Variants in CAMKMT observed in about 807,000 individuals in gnomAD.
CAMKMT encodes calmodulin-lysine N-methyltransferase.
In CAMKMT, 53 loss-of-function variants were observed where a neutral mutation model predicts 48.0. The ratio of observed to expected loss-of-function variants is 1.10; its 90% CI spans 0.89 to 1.39. The LOEUF (loss-of-function observed/expected upper bound fraction) is 1.39. Ranked by LOEUF, CAMKMT falls within the 40% of genes most tolerant of loss-of-function variation. CAMKMT has a pLI of 0.00. For synonymous variants in CAMKMT, 165 were observed against 152.3 expected, an observed-to-expected ratio of 1.08 and a Z score of -0.61; for missense variants, 428 against 402.7, an observed-to-expected ratio of 1.06 and a Z score of -0.54.
chr2:44,407,764 A>G (rs868142240), intron 3 of CAMKMT, among the ~76,000 whole-genome samples: 53 of 152,170 alleles, frequency 3.5e-4, no homozygotes, highest in African/African-American at 1.3e-3. Flanking sequence ...TTAAGATAAA[A>G]TAATGATAGG....
intron 7 of CAMKMT, among the ~76,000 whole-genome samples, chr2:44,730,238 A>G (rs1195017234): frequency 2.0e-5 from 3 of 152,094 alleles, no homozygotes; most frequent in African/African-American, 4.8e-5. Context: ...TTTGTCTGAT[A>G]TGTCCTCTTG....
intron 1 of CAMKMT, among the ~76,000 whole-genome samples, chr2:44,366,754 C>T (rs1678635776): frequency 7.0e-6 from 1 of 143,882 alleles, no homozygotes; most frequent in South Asian, 2.2e-4. Context: ...CAAAGTCTCA[C>T]TCCATCATCC....
At chr2:44,477,552 T>C (rs1232657764) in intron 3 of CAMKMT, among the ~76,000 whole-genome samples, 1 of 152,208 alleles carries the variant, frequency 6.6e-6, no homozygotes, top group Non-Finnish European at 1.5e-5. Context: ...GAAAAAATTA[T>C]AAATCTCAAA....
chr2:44,760,559 G>C (rs899711395), intron 9 of CAMKMT, among the ~76,000 whole-genome samples: 3 of 150,122 alleles, frequency 2.0e-5, no homozygotes, highest in Admixed American at 6.6e-5. Flanking sequence ...TGCAGTGAGC[G>C]GAGATTGCAC....
chr2:44,499,139 T>C (rs1669891834), intron 3 of CAMKMT, among the ~76,000 whole-genome samples: 1 of 152,208 alleles, frequency 6.6e-6, no homozygotes, highest in African/African-American at 2.4e-5. Flanking sequence ...TGTAAGAAAA[T>C]AGAATACATC....
intron 3 of CAMKMT, among the ~76,000 whole-genome samples, chr2:44,528,803 A>G (rs1284117582): frequency 6.6e-6 from 1 of 152,024 alleles, no homozygotes; most frequent in East Asian, 1.9e-4. Context: ...GTGGTATTTA[A>G]TGCATTTTTC....
chr2:44,500,687 T>G (rs1251547124), intron 3 of CAMKMT, among the ~76,000 whole-genome samples: 1 of 128,866 alleles, frequency 7.8e-6, no homozygotes, highest in Non-Finnish European at 1.5e-5. Flanking sequence ...TCTCAGATAC[T>G]TTTTTTTTTT....
intron 3 of CAMKMT, among the ~76,000 whole-genome samples, chr2:44,647,094 C>G (rs927393081): frequency 3.9e-5 from 6 of 152,186 alleles, no homozygotes; most frequent in Non-Finnish European, 5.9e-5. Context: ...GTCAGGAGAT[C>G]AAGACCATCC....
At chr2:44,572,340 C>A (rs1418781745) in intron 3 of CAMKMT, among the ~76,000 whole-genome samples, 2 of 152,118 alleles carry the variant, frequency 1.3e-5, no homozygotes, top group African/African-American at 4.8e-5. Context: ...AGCTGCCATG[C>A]CTAGGCTCTA....
At chr2:44,449,444 C>G (rs1370083369) in intron 3 of CAMKMT, among the ~76,000 whole-genome samples, 2 of 152,110 alleles carry the variant, frequency 1.3e-5, no homozygotes, top group African/African-American at 4.8e-5. Flanking sequence ...AATTTTCTTC[C>G]CAATTATCCA....
chr2:44,378,582 C>T (rs1223446609), intron 2 of CAMKMT, among the ~76,000 whole-genome samples: 7 of 152,166 alleles, frequency 4.6e-5, no homozygotes, highest in African/African-American at 1.7e-4. Context: ...CAACCTCCGC[C>T]TCCCGGGTTC....
At chr2:44,387,061 T>C (rs1680844318) in intron 2 of CAMKMT, among the ~76,000 whole-genome samples, 1 of 152,180 alleles carries the variant, frequency 6.6e-6, no homozygotes, top group South Asian at 2.1e-4. Context: ...TTAAATCTAT[T>C]GTTTCCTTGT....
At chr2:44,621,580 T>C (rs532077973) in intron 3 of CAMKMT, among the ~76,000 whole-genome samples, 1 of 152,276 alleles carries the variant, frequency 6.6e-6, no homozygotes, top group East Asian at 1.9e-4. Flanking sequence ...AAAGAAGGAA[T>C]GTGTTTAGTA....
At chr2:44,641,862 T>A (rs1572978804) in intron 3 of CAMKMT, among the ~76,000 whole-genome samples, 1 of 152,224 alleles carries the variant, frequency 6.6e-6, no homozygotes, top group Admixed American at 6.5e-5. Context: ...CCAGCTCTGA[T>A]GTATTTTTAT....
At chr2:44,546,392 C>T (rs1667407879) in intron 3 of CAMKMT, among the ~76,000 whole-genome samples, 1 of 152,174 alleles carries the variant, frequency 6.6e-6, no homozygotes, top group Admixed American at 6.5e-5. Flanking sequence ...GGCTCAGCCT[C>T]ATTCTGCCAC....
chr2:44,385,436 G>A (rs11904175), intron 2 of CAMKMT, among the ~76,000 whole-genome samples: 13,378 of 152,132 alleles, frequency 0.088, 1,914 homozygotes, highest in African/African-American at 0.3. Flanking sequence ...AACAGTGACA[G>A]TTTGACTTCC....
intron 3 of CAMKMT, among the ~76,000 whole-genome samples, chr2:44,509,512 T>C (rs2104764107): frequency 6.6e-6 from 1 of 152,256 alleles, no homozygotes; most frequent in East Asian, 1.9e-4. Context: ...GGTTTCACCA[T>C]GTTGCCCAGG....
Position 44,434,383 on chromosome 2 carries a change from T to A in CAMKMT, c.376+44078T>A, listed in dbSNP as rs113919319. Among the ~76,000 whole-genome samples the A allele has an allele frequency of 2.1e-3, 327 of 152,348 alleles. No individual in the cohort carries two copies. The Middle Eastern group carries it at 0.027, about 13-fold the overall frequency. The stretch of plus-strand genomic sequence containing the variant: ...GATGGCTTAGTATTAGGTTTGCTCT[T>A]CTGTAGGAATTTGTTGCTTCTAAAA... On this transcript the variant is annotated intron_variant, in intron 3 of 10. Coordinates refer to ENST00000378494, the MANE Select transcript of CAMKMT (RefSeq NM_024766.5).
chr2:44,687,000 T>C (rs1354905837), intron 3 of CAMKMT, among the ~76,000 whole-genome samples: 1 of 152,260 alleles, frequency 6.6e-6, no homozygotes, highest in Non-Finnish European at 1.5e-5. Context: ...AAGTGTCTAA[T>C]GGTTACTGTA....
Sources: allele counts gnomAD v4.1 joint callset (sites outside exome capture counted in the v4.1 genomes callset), GRCh38; gene constraint gnomAD v4.1.1; transcripts MANE v1.5; gene names NCBI Gene and HGNC (gene_info 2026-07-23, HGNC 2026-07-21).